The following SAMD4B variants were observed in gnomAD, a reference collection of about 807,000 sequenced individuals.
The protein encoded by SAMD4B is protein Smaug homolog 2.
In SAMD4B, 5 loss-of-function variants were observed where a neutral mutation model predicts 74.5. That is an observed-to-expected ratio of 0.07 (90% CI 0.04 to 0.14). SAMD4B has a LOEUF of 0.14. Ranked by LOEUF, SAMD4B falls within the 10% of genes least tolerant of loss-of-function variation. SAMD4B has a pLI of 1.00. For synonymous variants in SAMD4B, 373 were observed against 374.9 expected, an observed-to-expected ratio of 1.00 and a Z score of 0.06; for missense variants, 608 against 921.8, an observed-to-expected ratio of 0.66 and a Z score of 4.41.
chr19:39,373,970 AATATAT>A (rs916593610), intron 4 of SAMD4B, among the ~76,000 whole-genome samples: 2 of 140,312 alleles, frequency 1.4e-5, no homozygotes, highest in Non-Finnish European at 3.0e-5. Flanking sequence ...ATCTCTAAAA[AATATAT>A]ATATATATGA....
intron 3 of SAMD4B, among the ~76,000 whole-genome samples, chr19:39,362,730 T>G (rs894873230): frequency 7.2e-5 from 11 of 152,052 alleles, no homozygotes; most frequent in Non-Finnish European, 1.2e-4. Context: ...GGAGCTGAAT[T>G]CCACTTCCCT....
At chr19:39,345,573 G>A (rs763671241) in intron 1 of SAMD4B, among the ~76,000 whole-genome samples, 6 of 151,950 alleles carry the variant, frequency 3.9e-5, no homozygotes, top group Non-Finnish European at 8.8e-5. Context: ...GTGTCTTACT[G>A]CCAAGACCCC....
At position 39,383,438 on chromosome 19, in the gene SAMD4B, C is replaced by G; in HGVS notation, c.2057-61C>G. The G allele has an allele frequency of 6.3e-7, 1 of 1,593,798 alleles. No individual in the cohort carries two copies. Among genetic ancestry groups the G allele is most frequent in the Non-Finnish European group, 8.6e-7 (1 of 1,161,528 alleles). ...ACTGGGATGACAGGCTACCTGAGTG[C>G]CTTTTCTTGGGCCTCCCTCCAGCTC... is the stretch of plus-strand genomic sequence containing the variant. On this transcript the variant is annotated intron_variant, in intron 13 of 13. Transcript: ENST00000610417. This position sits in a 1 kb window ranked among gnomAD's most constrained non-coding sequence, Gnocchi z 4.1.
At chr19:39,367,736 T>C (rs1041589032) in intron 3 of SAMD4B, among the ~76,000 whole-genome samples, 1 of 151,176 alleles carries the variant, frequency 6.6e-6, no homozygotes, top group Non-Finnish European at 1.5e-5. Context: ...CTCCAGCTCC[T>C]GACCTCAGGT....
At chr19:39,369,573 A>C in intron 3 of SAMD4B, 82 bp from the exon 4 acceptor site, 2 of 1,058,782 alleles carry the variant, frequency 1.9e-6, no homozygotes, top group Non-Finnish European at 2.8e-6. Flanking sequence ...GAGCTGAGGG[A>C]ATAGGCCATA....
rs2077731933 is a variant in SAMD4B at position 39,378,392 on chromosome 19, T to G, written c.1445-112T>G. ...CATGGCTAGCACTTAATAGTTGATA[T>G]TCATCCAGCCTGAGTCTCCTGTTCC... is the stretch of plus-strand genomic sequence containing the variant. On this transcript the variant is annotated intron_variant, in intron 8 of 13. Transcript: ENST00000610417. This position sits in a 1 kb window ranked among gnomAD's most constrained non-coding sequence, Gnocchi z 4.4. 1.2e-6 allele frequency: 1 copy of G among 851,404 alleles called. No homozygotes were observed. The highest frequency in any genetic ancestry group is 2.0e-5 in the Admixed American group (1 of 49,264). The allele number at this position is 851,404 out of a possible 1,614,324, so 52.7% of individuals were successfully genotyped here.
chr19:39,345,054 A>G (rs368979773), intron 1 of SAMD4B, among the ~76,000 whole-genome samples: 1 of 152,348 alleles, frequency 6.6e-6, no homozygotes, highest in South Asian at 2.1e-4. Context: ...AATCCCACTC[A>G]GATCTACTGA....
downstream of SAMD4B, chr19:39,385,741 GC>G: frequency 1.7e-6 from 1 of 579,848 alleles, no homozygotes. Context: ...GAAACCATTG[GC>G]CCTGCCTCTG....
chr19:39,390,382 G>C, downstream of SAMD4B: 2 of 1,085,502 alleles, frequency 1.8e-6, no homozygotes, highest in South Asian at 2.8e-5. Context: ...AGGTAGGAGG[G>C]GTGACAAATG....
At chr19:39,368,201 G>C (rs148109331) in intron 3 of SAMD4B, among the ~76,000 whole-genome samples, 1 of 151,914 alleles carries the variant, frequency 6.6e-6, no homozygotes, top group African/African-American at 2.4e-5. Flanking sequence ...GCGACAGAGC[G>C]AGACTCCGCC....
chr19:39,365,242 T>TAAA (rs57136164), intron 3 of SAMD4B, among the ~76,000 whole-genome samples: 4 of 90,876 alleles, frequency 4.4e-5, no homozygotes, highest in Non-Finnish European at 7.0e-5. Flanking sequence ...CGAGACTCCG[T>TAAA]AAAAAAAAAA....
intron 3 of SAMD4B, chr19:39,360,199 TA>T (rs899169100): frequency 2.0e-5 from 3 of 150,442 alleles, no homozygotes; most frequent in Non-Finnish European, 4.4e-5. Context: ...AAAAAAAAAA[TA>T]AAAAAATAAA....
downstream of SAMD4B, chr19:39,390,045 A>C: frequency 6.4e-7 from 1 of 1,570,932 alleles, no homozygotes; most frequent in Non-Finnish European, 8.8e-7. Context: ...ATACCTGAGT[A>C]GTTTTCCCAT....
At chr19:39,362,000 T>G (rs768857134) in intron 3 of SAMD4B, among the ~76,000 whole-genome samples, 29 of 152,164 alleles carry the variant, frequency 1.9e-4, no homozygotes, top group Non-Finnish European at 2.8e-4. Context: ...AGCTGAACAG[T>G]GAGGTAGATC....
intron 3 of SAMD4B, among the ~76,000 whole-genome samples, chr19:39,365,423 G>A (rs1184736567): frequency 4.6e-5 from 7 of 151,882 alleles, no homozygotes; most frequent in African/African-American, 1.2e-4. Flanking sequence ...GTGTGGTGGC[G>A]TGCGCCTGTA....
chr19:39,383,674 G>T lies in SAMD4B; in HGVS notation c.*147G>T, dbSNP rs769514346. 11 of 1,563,700 alleles carry T rather than the reference G, an allele frequency of 7.0e-6. No individual in the cohort carries two copies. In the Admixed American group the frequency reaches 7.5e-5, roughly 11 times the overall value. On this transcript the variant is annotated 3_prime_UTR_variant, in exon 14 of 14. Transcript: ENST00000610417. This position sits in a 1 kb window ranked among gnomAD's most constrained non-coding sequence, Gnocchi z 4.1. ...CTACTCTCTTACCCTCTTAACTTTT[G>T]TTTAACATTGGCACATGCCTTGCTC...
At chr19:39,358,236 A>G (rs1052706635) in intron 3 of SAMD4B, among the ~76,000 whole-genome samples, 1 of 152,130 alleles carries the variant, frequency 6.6e-6, no homozygotes, top group Non-Finnish European at 1.5e-5. Context: ...GTGCCATTGC[A>G]CTCCAGCCTG....
downstream of SAMD4B, chr19:39,386,793 G>A (rs749305890): frequency 6.2e-7 from 1 of 1,612,224 alleles, no homozygotes; most frequent in African/African-American, 1.3e-5. The surrounding 1 kb of genome is among the most constrained non-coding windows in gnomAD (Gnocchi z 6.1). Flanking sequence ...GCTTACTAAG[G>A]CGGACCCTGC....
chr19:39,388,111 G>C (rs1158024331), downstream of SAMD4B, among the ~76,000 whole-genome samples: 3 of 152,154 alleles, frequency 2.0e-5, no homozygotes, highest in Non-Finnish European at 4.4e-5. Context: ...ACTGCACTCT[G>C]GCCTGGGCAA....
Sources: allele counts gnomAD v4.1 joint callset (sites outside exome capture counted in the v4.1 genomes callset), GRCh38; gene constraint gnomAD v4.1.1; non-coding constraint Gnocchi (gnomAD v3.1); transcripts MANE v1.5; gene names NCBI Gene and HGNC (gene_info 2026-07-23, HGNC 2026-07-21).